SORBS2: variants seen among roughly 807,000 people sequenced by gnomAD.
SORBS2 encodes the protein sorbin and SH3 domain-containing protein 2.
SORBS2 carries 46 observed loss-of-function variants against 97.7 expected under a neutral mutation model. The ratio of observed to expected loss-of-function variants is 0.47; its 90% CI spans 0.37 to 0.60. The LOEUF (loss-of-function observed/expected upper bound fraction) is 0.60. Among genes scored for constraint, SORBS2 ranks in the 20% least tolerant of loss-of-function variants. SORBS2 has a pLI of 0.00. For missense variants in SORBS2, 1,316 were observed against 1,282.3 expected, an observed-to-expected ratio of 1.03 and a Z score of -0.40; for synonymous variants, 476 against 473.4, an observed-to-expected ratio of 1.01 and a Z score of -0.07.
intron 1 of SORBS2, chr4:185,933,006 T>C (rs2099267202): frequency 6.6e-6 from 1 of 152,220 alleles, no homozygotes; most frequent in African/African-American, 2.4e-5. Flanking sequence ...CCTCTGCTAA[T>C]AAAGTGTTTC....
At chr4:185,817,591 C>T (rs770471134) in intron 1 of SORBS2, among the ~76,000 whole-genome samples, 11 of 152,154 alleles carry the variant, frequency 7.2e-5, no homozygotes, top group African/African-American at 2.4e-4. Context: ...TTCCGGGCAA[C>T]GTGCCACCCT....
chr4:185,690,647 C>T, intron 2 of SORBS2, 36 bp from the exon 4 acceptor site: 1 of 885,308 alleles, frequency 1.1e-6, no homozygotes, highest in Non-Finnish European at 1.7e-6. Flanking sequence ...TGTTCACTAG[C>T]ATGTGGAAGA....
At chr4:185,625,013 A>T (rs188666311) in intron 6 of SORBS2, among the ~76,000 whole-genome samples, 1 of 152,326 alleles carries the variant, frequency 6.6e-6, no homozygotes, top group Non-Finnish European at 1.5e-5. Flanking sequence ...ATATCAAATA[A>T]TTTTTTGTGG....
At chr4:185,874,218 A>T (rs2149751383) in intron 1 of SORBS2, among the ~76,000 whole-genome samples, 1 of 152,366 alleles carries the variant, frequency 6.6e-6, no homozygotes. Flanking sequence ...AATGCTGTTG[A>T]AAAATATTTA....
intron 2 of SORBS2, among the ~76,000 whole-genome samples, chr4:185,693,117 G>T (rs2098123985): frequency 6.6e-6 from 1 of 152,098 alleles, no homozygotes; most frequent in Non-Finnish European, 1.5e-5. Flanking sequence ...CAGGGTTATG[G>T]GGAACTTCAC....
At chr4:185,809,454 G>GCA (rs2099170035) in intron 1 of SORBS2, among the ~76,000 whole-genome samples, 1 of 3,410 alleles carries the variant, frequency 2.9e-4, no homozygotes, top group African/African-American at 2.4e-3. Context: ...CACTGCATTT[G>GCA]CAAAAAAAAA....
intron 4 of SORBS2, among the ~76,000 whole-genome samples, chr4:185,662,746 T>G (rs2097539799): frequency 6.6e-6 from 1 of 152,198 alleles, no homozygotes; most frequent in Non-Finnish European, 1.5e-5. Flanking sequence ...GGAACCTAGT[T>G]GTTTGGATGT....
At chr4:185,909,282 C>T (rs1554050135) in intron 1 of SORBS2, among the ~76,000 whole-genome samples, 2 of 152,148 alleles carry the variant, frequency 1.3e-5, no homozygotes, top group Non-Finnish European at 1.5e-5. Context: ...TTAAGTGAAA[C>T]AACTCAAAAC....
chr4:185,622,338 A>C (rs760361785), intron 7 of SORBS2, among the ~76,000 whole-genome samples: 27 of 152,358 alleles, frequency 1.8e-4, no homozygotes, highest in Non-Finnish European at 3.2e-4. Context: ...TATATAGCTT[A>C]AAGATACATT....
At chr4:185,679,974 A>G (rs2097847460) in intron 2 of SORBS2, among the ~76,000 whole-genome samples, 1 of 152,240 alleles carries the variant, frequency 6.6e-6, no homozygotes, top group Non-Finnish European at 1.5e-5. Flanking sequence ...AGAGTACATT[A>G]GAATGATTCC....
intron 12 of SORBS2, among the ~76,000 whole-genome samples, chr4:185,602,690 C>A (rs1183099230): frequency 6.6e-6 from 1 of 152,192 alleles, no homozygotes. Context: ...CTTTTCTTTA[C>A]AATGAGCATC....
intron 2 of SORBS2, among the ~76,000 whole-genome samples, chr4:185,754,838 A>G (rs1342653257): frequency 2.0e-5 from 3 of 152,222 alleles, no homozygotes; most frequent in African/African-American, 4.8e-5. Context: ...GTACAGGATC[A>G]GGTATGGGTT....
rs922378850 is a variant in SORBS2, at chr4:185,684,288, A to G, written c.-197-5466T>C. Among the ~76,000 whole-genome samples, 1 of 152,210 alleles carries G rather than the reference A, an allele frequency of 6.6e-6. No homozygotes were observed. Among genetic ancestry groups the G allele is most frequent in the African/African-American group, 2.4e-5 (1 of 41,442 alleles). The stretch of plus-strand genomic sequence containing the variant: ...GGTACATGTGAATCTTAATTGGTCA[A>G]GATTTTGGTATGTTTAAATATATAT... On this transcript the variant is annotated intron_variant, in intron 2 of 20. Coordinates refer to the SORBS2 transcript ENST00000284776. The surrounding 1 kb of genome is among the most constrained non-coding windows in gnomAD (Gnocchi z 4.2).
At chr4:185,898,510 A>T (rs570313807) in intron 1 of SORBS2, among the ~76,000 whole-genome samples, 2 of 152,362 alleles carry the variant, frequency 1.3e-5, no homozygotes, top group East Asian at 3.9e-4. Flanking sequence ...AAATAAAAAC[A>T]TCAAGAATCA....
intron 1 of SORBS2, among the ~76,000 whole-genome samples, chr4:185,845,452 A>G (rs1019823986): frequency 6.6e-6 from 1 of 152,246 alleles, no homozygotes; most frequent in Non-Finnish European, 1.5e-5. Flanking sequence ...CAACAATAAA[A>G]AAATCTGTAA....
intron 1 of SORBS2, among the ~76,000 whole-genome samples, chr4:185,803,414 T>C (rs2099139755): frequency 6.6e-6 from 1 of 152,212 alleles, no homozygotes; most frequent in African/African-American, 2.4e-5. Context: ...TGTAATATTA[T>C]GCCACATAAT....
chr4:185,690,496 G>A, intron 2 of SORBS2, 66 bp downstream of exon 4: 1 of 1,040,562 alleles, frequency 9.6e-7, no homozygotes, highest in Non-Finnish European at 1.4e-6. Flanking sequence ...CTAAACTAAT[G>A]ATTTAGGGCC....
chr4:185,729,281 G>C (rs11730508), intron 2 of SORBS2, among the ~76,000 whole-genome samples: 83,825 of 152,060 alleles, frequency 0.55, 23,657 homozygotes, highest in Middle Eastern at 0.66. Flanking sequence ...TTTAAAATGA[G>C]AGAAAATCTA....
Position 185,684,725 on chromosome 4 carries a change from C to T in SORBS2, c.-197-5903G>A, listed in dbSNP as rs770571439. 35 of 1,464,924 alleles carry T rather than the reference C, an allele frequency of 2.4e-5. No homozygotes were observed. In the South Asian group the frequency reaches 3.4e-4, roughly 14 times the overall value. 90.7% of individuals were successfully genotyped at this position (1,464,924 alleles called of 1,614,324 possible). A position where few individuals can be genotyped will look rare whatever the true frequency, so the allele number is the denominator to read the frequency against. ...AGAAGAGCTAGAAGCCATTCAAGTG[C>T]GACATTGTGTGAGTTAGTGATATTA... On this transcript the variant is annotated intron_variant, in intron 2 of 20. Coordinates refer to the SORBS2 transcript ENST00000284776. The surrounding 1 kb of genome is among the most constrained non-coding windows in gnomAD (Gnocchi z 4.2).
Sources: allele counts gnomAD v4.1 joint callset (sites outside exome capture counted in the v4.1 genomes callset), GRCh38; gene constraint gnomAD v4.1.1; non-coding constraint Gnocchi (gnomAD v3.1); transcripts MANE v1.5; gene names NCBI Gene and HGNC (gene_info 2026-07-23, HGNC 2026-07-21).